Variants in PRDM9 observed in about 807,000 individuals in gnomAD.
The protein encoded by PRDM9 is histone-lysine N-methyltransferase PRDM9.
A neutral mutation model predicts 55.6 loss-of-function variants in PRDM9; 47 were observed. The observed-to-expected ratio is 0.85, with a 90% CI of 0.67 to 1.08. The LOEUF (loss-of-function observed/expected upper bound fraction) is 1.08, where lower values mean the gene tolerates loss of function less well. Among genes scored for constraint, PRDM9 ranks in the 50% least tolerant of loss-of-function variants. PRDM9 has a pLI of 0.00. For synonymous variants in PRDM9, 312 were observed against 375.7 expected (o/e 0.83, Z 1.96); for missense variants, 867 against 1,040.3 (o/e 0.83, Z 2.29).
At chr5:23,520,517 A>C (rs970723718) in intron 5 of PRDM9, among the ~76,000 whole-genome samples, 1 of 152,004 alleles carries the variant, frequency 6.6e-6, no homozygotes, top group African/African-American at 2.4e-5. Context: ...TCTTTCCAGG[A>C]TATGGCAACA....
chr5:23,526,114 G>A (rs1330199055), intron 10 of PRDM9, 119 bp from the exon 11 acceptor site: 27 of 1,235,134 alleles, frequency 2.2e-5, no homozygotes, highest in Non-Finnish European at 3.1e-5. Flanking sequence ...CACTTGGTGG[G>A]AAAGAGCTTG....
At chr5:23,521,725 G>A (rs1165642002) in intron 6 of PRDM9, among the ~76,000 whole-genome samples, 1 of 152,164 alleles carries the variant, frequency 6.6e-6, no homozygotes, top group Non-Finnish European at 1.5e-5. Context: ...CTGGGGCCTT[G>A]GGCAAATCTT....
intron 5 of PRDM9, 131 bp from the exon 6 acceptor site, chr5:23,520,892 A>G: frequency 9.4e-7 from 1 of 1,065,284 alleles, no homozygotes; most frequent in South Asian, 1.4e-5. Context: ...TTTTCCCTCT[A>G]GTATTTAGAC....
Position 23,524,414 on chromosome 5 carries a change from G to C in PRDM9, c.1031G>C (p.Cys344Ser). ...QYHRQIFYRT[C>S]RVIRPGCELL... ...CACAGGCAGATCTTCTATAGAACCT[G>C]CCGAGTCATTAGGCCAGGCTGTGAA... The change falls in exon 10 of 11, where the codon TGC becomes TCC. Residue 344 changes from cysteine to serine, a missense_variant. By Grantham distance (112) the Cys-to-Ser change is moderately radical. Coordinates refer to ENST00000296682, the MANE Select transcript of PRDM9 (RefSeq NM_020227.4). 3 of 1,614,006 alleles carry C rather than the reference G, an allele frequency of 1.9e-6. No homozygotes were observed. Among genetic ancestry groups the C allele is most frequent in the Non-Finnish European group, 2.5e-6 (3 of 1,179,936 alleles).
At chr5:23,516,156 C>G (rs989792673) in intron 4 of PRDM9, among the ~76,000 whole-genome samples, 2 of 152,086 alleles carry the variant, frequency 1.3e-5, no homozygotes, top group African/African-American at 4.8e-5. Flanking sequence ...GATGTCCTTC[C>G]ATTTATTTGT....
intron 1 of PRDM9, 123 bp from the exon 2 acceptor site, chr5:23,508,827 C>T (rs1739032491): frequency 1.1e-5 from 7 of 610,482 alleles, no homozygotes; most frequent in South Asian, 9.7e-5. Context: ...CTGGGGTGCT[C>T]GAGACCTCAC....
In PRDM9 at chr5:23,526,281, C is replaced by T. The variant is rs367619906; in HGVS notation, c.1193C>T (p.Ser398Leu). The T allele has an allele frequency of 1.5e-5, 25 of 1,614,166 alleles. No individual in the cohort carries two copies. Among genetic ancestry groups the T allele is most frequent in the Non-Finnish European group, 2.1e-5 (25 of 1,180,020 alleles). The part of the protein sequence containing the change: ...HPCPSCCLAF[S>L]SQKFLSQHVE... ...TGTCCCTCATGCTGTCTGGCCTTTT[C>T]AAGTCAGAAATTTCTCAGTCAACAT... The change falls in exon 11 of 11, where the codon TCA (serine) becomes TTA (leucine). Residue 398 changes from serine (S) to leucine (L), a missense_variant. Coordinates refer to ENST00000296682, the MANE Select transcript of PRDM9 (RefSeq NM_020227.4).
chr5:23,520,475 G>T (rs1204381820), intron 5 of PRDM9, among the ~76,000 whole-genome samples: 6 of 151,394 alleles, frequency 4.0e-5, no homozygotes, highest in Non-Finnish European at 8.8e-5. Flanking sequence ...AGTGGTACAG[G>T]AACTAATTAA....
chr5:23,521,087 T>C lies in PRDM9; in HGVS notation c.416T>C (p.Leu139Ser), dbSNP rs758785257. ...AAAGAATTGTCAAGAACAGCAAATT[T>C]ACTGAATGCAAGTGGCTCAGAGCAG... ...SLKELSRTAN[L>S]LNASGSEQAQ... Residue 139 changes from leucine to serine, a missense_variant, in exon 6 of 11, where the codon TTA becomes TCA. Leu to Ser is a moderately radical substitution (Grantham distance 145). This residue lies in a region of PRDM9 where 662 missense variants were observed against 711.9 expected (regional missense o/e 0.93). Coordinates refer to ENST00000296682, the MANE Select transcript of PRDM9 (RefSeq NM_020227.4). 1 of 1,614,208 alleles carries C rather than the reference T, an allele frequency of 6.2e-7. No homozygotes were observed. Among genetic ancestry groups the C allele is most frequent in the Non-Finnish European group, 8.5e-7 (1 of 1,180,042 alleles).
chr5:23,518,039 TG>T (rs1378472956), intron 5 of PRDM9, 109 bp downstream of exon 5: 2 of 1,027,322 alleles, frequency 1.9e-6, no homozygotes, highest in Non-Finnish European at 3.1e-6. Context: ...CTTCTTTTCC[TG>T]ATCTCTTTAG....
At chr5:23,513,798 G>C (rs1739147482) in intron 4 of PRDM9, among the ~76,000 whole-genome samples, 1 of 152,016 alleles carries the variant, frequency 6.6e-6, no homozygotes, top group African/African-American at 2.4e-5. Context: ...AGAATCACTT[G>C]AACCCGGGAG....
chr5:23,524,700 A>G (rs982775117), intron 10 of PRDM9, among the ~76,000 whole-genome samples, 173 bp downstream of exon 10: 22 of 152,126 alleles, frequency 1.4e-4, no homozygotes, highest in Admixed American at 6.6e-5. Context: ...CTTTGGAACA[A>G]TTTTCATATT....
chr5:23,516,863 G>T (rs1406874026), intron 4 of PRDM9, among the ~76,000 whole-genome samples: 2 of 148,644 alleles, frequency 1.3e-5, no homozygotes, highest in East Asian at 2.1e-4. Flanking sequence ...GGGACTACAG[G>T]CGCCCGCCAC....
intron 4 of PRDM9, among the ~76,000 whole-genome samples, chr5:23,510,908 G>A (rs922816627): frequency 1.1e-4 from 17 of 151,740 alleles, no homozygotes; most frequent in African/African-American, 2.4e-5. Context: ...CACTTTGGGA[G>A]GCCAAGGTGG....
rs1412579275 is a variant in PRDM9, at chr5:23,521,327, T to C, written c.508+148T>C. On this transcript the variant is annotated intron_variant, in intron 6 of 10. Transcript: ENST00000296682. ...AGACCAGAAGGTAGATGCAGTATTTTGTTAAAATTATTTATTTATTTGTTC... is the reference window on the plus strand; with the variant it reads ...AGACCAGAAGGTAGATGCAGTATTTCGTTAAAATTATTTATTTATTTGTTC... 1.1e-5 allele frequency: 10 copies of C among 914,228 alleles called. No individual in the cohort carries two copies. The African/African-American group carries it at 1.7e-4, about 15-fold the overall frequency. 56.6% of individuals were successfully genotyped at this position (914,228 alleles called of 1,614,324 possible).
At position 23,527,449 on chromosome 5, in the gene PRDM9, T is replaced by A. The variant is rs781302776; in HGVS notation, c.2361T>A (p.Asp787Glu). 6.3e-7 allele frequency: 1 copy of A among 1,588,674 alleles called. No individual in the cohort carries two copies. Among genetic ancestry groups the A allele is most frequent in the South Asian group, 1.1e-5 (1 of 89,872 alleles). ...VCRECGRGFR[D>E]KSNLLSHQRT... ...GGGAGTGTGGGCGGGGCTTTAGAGA[T>A]AAGTCAAACCTCCTCAGTCACCAGA... The change falls in exon 11 of 11, where the codon GAT (aspartate) becomes GAA (glutamate). Residue 787 changes from aspartate (D) to glutamate (E), a missense_variant. By Grantham distance (45) the Asp-to-Glu change is conservative. Coordinates refer to ENST00000296682, the MANE Select transcript of PRDM9 (RefSeq NM_020227.4).
intron 4 of PRDM9, among the ~76,000 whole-genome samples, chr5:23,517,152 C>CA (rs753493547): frequency 0.033 from 2,074 of 62,216 alleles, 45 homozygotes; most frequent in African/African-American, 0.056. Context: ...GACTCCATCT[C>CA]AAAAAAAAAA....
chr5:23,508,183 A>G (rs1350734247), intron 1 of PRDM9, among the ~76,000 whole-genome samples: 4 of 152,048 alleles, frequency 2.6e-5, no homozygotes, highest in Non-Finnish European at 5.9e-5. Flanking sequence ...TCAGCCTCAA[A>G]GATCTCAAAT....
At chr5:23,519,097 T>C (rs1739276367) in intron 5 of PRDM9, among the ~76,000 whole-genome samples, 1 of 152,232 alleles carries the variant, frequency 6.6e-6, no homozygotes, top group African/African-American at 2.4e-5. Flanking sequence ...TCTGGCTCTT[T>C]CGCCCAGGCT....
Sources: gnomAD v4.1 joint callset for allele counts (sites outside exome capture counted in the v4.1 genomes callset) on GRCh38, gnomAD v4.1.1 for gene constraint, gnomAD v4.1.1 regional missense constraint, MANE v1.5 for transcripts, NCBI Gene and HGNC (gene_info 2026-07-23, HGNC 2026-07-21) for gene names.